Variants in DCC observed in about 807,000 individuals in gnomAD.
DCC encodes the protein netrin receptor DCC.
Under a neutral mutation model 172.5 loss-of-function variants are expected in DCC, and 58 were observed. The observed-to-expected ratio is 0.34, with a 90% CI of 0.27 to 0.42. The LOEUF is 0.42. DCC is among the 10% of genes least tolerant of loss of function. DCC has a pLI of 1.00. For synonymous variants in DCC, 709 were observed against 644.5 expected (o/e 1.10, Z -1.52); for missense variants, 1,740 against 1,791.0 (o/e 0.97, Z 0.51).
chr18:52,680,960 A>G (rs1400087736), intron 1 of DCC, among the ~76,000 whole-genome samples: 1 of 152,074 alleles, frequency 6.6e-6, no homozygotes, highest in African/African-American at 2.4e-5. Flanking sequence ...CATGGGTCCA[A>G]CTATAATGCC....
intron 2 of DCC, among the ~76,000 whole-genome samples, chr18:52,780,052 A>G (rs1023428647): frequency 6.6e-6 from 1 of 152,132 alleles, no homozygotes; most frequent in Non-Finnish European, 1.5e-5. Context: ...TTACTACTTC[A>G]TCGTGGCCTT....
intron 2 of DCC, among the ~76,000 whole-genome samples, chr18:52,767,790 T>C (rs2037278112): frequency 6.6e-6 from 1 of 152,230 alleles, no homozygotes; most frequent in African/African-American, 2.4e-5. Context: ...GCATTATTTA[T>C]GTTGCCTGTG....
At chr18:53,323,545 G>A (rs2057434676) in intron 14 of DCC, among the ~76,000 whole-genome samples, 1 of 152,186 alleles carries the variant, frequency 6.6e-6, no homozygotes, top group Non-Finnish European at 1.5e-5. Context: ...AAGAAAGACA[G>A]ACATTTTAGG....
At chr18:53,283,165 C>T (rs1048998615) in intron 12 of DCC, among the ~76,000 whole-genome samples, 10 of 152,032 alleles carry the variant, frequency 6.6e-5, no homozygotes, top group Non-Finnish European at 1.3e-4. Context: ...CATCATAAAG[C>T]TTAAAGCAAA....
At chr18:53,069,117 CAA>C (rs1311492345) in intron 7 of DCC, among the ~76,000 whole-genome samples, 5 of 152,060 alleles carry the variant, frequency 3.3e-5, no homozygotes, top group East Asian at 3.9e-4. Flanking sequence ...ACAGTAACAC[CAA>C]AGTTTTCTGA....
At chr18:52,645,380 C>A (rs899481517) in intron 1 of DCC, among the ~76,000 whole-genome samples, 2 of 152,084 alleles carry the variant, frequency 1.3e-5, no homozygotes, top group African/African-American at 2.4e-5. Flanking sequence ...AGCTGTTCTG[C>A]TTTCATGCCA....
chr18:53,095,515 G>C (rs1266217317), intron 7 of DCC, among the ~76,000 whole-genome samples: 2 of 152,098 alleles, frequency 1.3e-5, no homozygotes, highest in Non-Finnish European at 1.5e-5. Flanking sequence ...AATTCTAAAG[G>C]CTAGAAGTCT....
intron 1 of DCC, among the ~76,000 whole-genome samples, chr18:52,443,078 GA>G (rs1454565777): frequency 6.6e-6 from 1 of 151,894 alleles, no homozygotes; most frequent in African/African-American, 2.4e-5. Context: ...AACTTTAAGT[GA>G]ATAATAATAA....
chr18:52,509,429 G>A (rs572648930), intron 1 of DCC, among the ~76,000 whole-genome samples: 32 of 151,932 alleles, frequency 2.1e-4, no homozygotes, highest in Non-Finnish European at 3.5e-4. Context: ...ATTTCCATTG[G>A]ACAGCACTGA....
At chr18:53,324,668 A>C (rs2144832596) in intron 14 of DCC, among the ~76,000 whole-genome samples, 1 of 152,276 alleles carries the variant, frequency 6.6e-6, no homozygotes, top group Admixed American at 6.5e-5. Context: ...ATTGAGATAT[A>C]TATGGCAAGA....
intron 8 of DCC, among the ~76,000 whole-genome samples, chr18:53,162,607 T>C (rs1378204445): frequency 6.6e-6 from 1 of 152,172 alleles, no homozygotes; most frequent in Non-Finnish European, 1.5e-5. Context: ...TATTCAAGAA[T>C]CTTCCTCTAT....
chr18:52,474,240 GAGAA>G (rs67496687), intron 1 of DCC, among the ~76,000 whole-genome samples: 19,343 of 83,666 alleles, frequency 0.23, 1,565 homozygotes, highest in Non-Finnish European at 0.3. Flanking sequence ...GAGAGAGAGA[GAGAA>G]AGAGAGAGAA....
rs761581085 is a variant in DCC at position 53,459,335 on chromosome 18, G to A, written c.3496G>A (p.Glu1166Lys). ...HHEEMEMKNI[E>K]KPSGTDPAGR... ...TGAAGAAATGGAGATGAAAAATATT[G>A]AAAAGCCATCTGGCACTGACCCTGC... The change falls in exon 24 of 29, where the codon GAA becomes AAA. Residue 1166 changes from glutamate (E) to lysine (K), a missense_variant. By Grantham distance (56) the Glu-to-Lys change is moderately conservative (BLOSUM62 1). Transcript: ENST00000442544. 2.5e-6 allele frequency: 4 copies of A among 1,614,030 alleles called. No individual in the cohort carries two copies. Among genetic ancestry groups the A allele is most frequent in the Non-Finnish European group, 2.5e-6 (3 of 1,179,968 alleles).
chr18:52,905,224 TTA>T (rs2039863888), intron 2 of DCC, among the ~76,000 whole-genome samples: 1 of 152,208 alleles, frequency 6.6e-6, no homozygotes, highest in Non-Finnish European at 1.5e-5. Flanking sequence ...AATGGCCAGT[TTA>T]TTTCTTTTAT....
intron 26 of DCC, among the ~76,000 whole-genome samples, chr18:53,496,949 AATAAAACATC>A (rs1465771830): frequency 6.6e-6 from 1 of 152,236 alleles, no homozygotes; most frequent in Non-Finnish European, 1.5e-5. Context: ...TAAAAAAGGA[AATAAAACATC>A]ATAAACATAT....
At chr18:52,973,884 A>G (rs1472081471) in intron 5 of DCC, among the ~76,000 whole-genome samples, 3 of 152,120 alleles carry the variant, frequency 2.0e-5, no homozygotes, top group South Asian at 2.1e-4. Flanking sequence ...ATGTTTTACA[A>G]TTTCATTCGG....
chr18:52,739,002 C>A (rs186107585), intron 1 of DCC, among the ~76,000 whole-genome samples: 1 of 152,150 alleles, frequency 6.6e-6, no homozygotes, highest in Admixed American at 6.5e-5. Context: ...CTCACCTCGG[C>A]CTCCCTAATT....
chr18:53,422,754 T>A (rs921832536), intron 21 of DCC, among the ~76,000 whole-genome samples: 7 of 152,196 alleles, frequency 4.6e-5, no homozygotes, highest in Non-Finnish European at 1.0e-4. Flanking sequence ...AGGGTTTGGA[T>A]TACAGCAGCC....
rs187128086 is a variant in DCC at position 53,122,451 on chromosome 18, A to G, written c.1262-34905A>G. Among the ~76,000 whole-genome samples the G allele has an allele frequency of 1.9e-3, 290 of 152,104 alleles. 1 individual carries two copies. The highest frequency in any genetic ancestry group is 4.3e-3 in the Admixed American group (65 of 15,242). The stretch of plus-strand genomic sequence containing the variant: ...ATAATCACCACTTCTCACAATCACA[A>G]TCTTCTTGCCTGAGAAAAACTGTTG... On this transcript the variant is annotated intron_variant, in intron 7 of 28. Transcript: ENST00000442544.
Sources: gnomAD v4.1 joint callset for allele counts (sites outside exome capture counted in the v4.1 genomes callset) on GRCh38, gnomAD v4.1.1 for gene constraint, MANE v1.5 for transcripts, NCBI Gene and HGNC (gene_info 2026-07-23, HGNC 2026-07-21) for gene names.